Variants in DCC observed in about 807,000 individuals in gnomAD.
DCC encodes the protein netrin receptor DCC.
DCC carries 58 observed loss-of-function variants against 172.5 expected under a neutral mutation model. That is an observed-to-expected ratio of 0.34 (90% CI 0.27 to 0.42). DCC has a LOEUF of 0.42. Ranked by LOEUF, DCC falls within the 10% of genes least tolerant of loss-of-function variation. The pLI is 1.00. For missense variants in DCC, 1,740 were observed against 1,791.0 expected, an observed-to-expected ratio of 0.97 and a Z score of 0.51; for synonymous variants, 709 against 644.5, an observed-to-expected ratio of 1.10 and a Z score of -1.52.
chr18:52,515,606 C>CAAAAAAAAAAAAAA (rs58112743), intron 1 of DCC, among the ~76,000 whole-genome samples: 249 of 10,294 alleles, frequency 0.024, 68 homozygotes, highest in Non-Finnish European at 0.048. Context: ...AACCCTGTCT[C>CAAAAAAAAAAAAAA]AAAAAAAAAA....
intron 1 of DCC, among the ~76,000 whole-genome samples, chr18:52,564,800 A>G (rs1232029635): frequency 2.6e-5 from 4 of 152,088 alleles, no homozygotes; most frequent in Non-Finnish European, 4.4e-5. Flanking sequence ...ATTCAGGACC[A>G]TGGAACCCAG....
At chr18:52,821,842 T>C (rs575913591) in intron 2 of DCC, among the ~76,000 whole-genome samples, 10 of 152,342 alleles carry the variant, frequency 6.6e-5, no homozygotes, top group African/African-American at 2.2e-4. Context: ...AAAACAGTAC[T>C]TGGCATTGAC....
intron 2 of DCC, among the ~76,000 whole-genome samples, chr18:52,878,673 A>G (rs925530174): frequency 6.6e-6 from 1 of 152,062 alleles, no homozygotes. Flanking sequence ...TTATTTGTTT[A>G]TTATCTGATT....
At chr18:52,420,870 T>C (rs1301657965) in intron 1 of DCC, among the ~76,000 whole-genome samples, 2 of 152,064 alleles carry the variant, frequency 1.3e-5, no homozygotes, top group African/African-American at 4.8e-5. Context: ...AGGAGAGTGT[T>C]AGCATCTGGT....
intron 25 of DCC, among the ~76,000 whole-genome samples, chr18:53,480,377 T>C (rs1162599698): frequency 6.6e-6 from 1 of 152,180 alleles, no homozygotes; most frequent in Non-Finnish European, 1.5e-5. Flanking sequence ...AATAAATGCC[T>C]TCCTTCAGCT....
intron 27 of DCC, among the ~76,000 whole-genome samples, chr18:53,519,677 T>C (rs1252266327): frequency 1.3e-5 from 2 of 152,086 alleles, no homozygotes; most frequent in Non-Finnish European, 1.5e-5. Flanking sequence ...CTTTGACATA[T>C]GTTTCTGATA....
chr18:53,047,404 A>AT (rs2042264124), intron 5 of DCC, among the ~76,000 whole-genome samples: 1 of 116,386 alleles, frequency 8.6e-6, no homozygotes, highest in Non-Finnish European at 1.7e-5. Context: ...AATATGTTAT[A>AT]TATTTTATGT....
chr18:53,089,734 TG>T (rs2042975683), intron 7 of DCC, among the ~76,000 whole-genome samples: 1 of 152,194 alleles, frequency 6.6e-6, no homozygotes, highest in South Asian at 2.1e-4. Flanking sequence ...TTAAGAAAAT[TG>T]GGCCTAACTT....
At chr18:52,681,736 T>C (rs776960142) in intron 1 of DCC, among the ~76,000 whole-genome samples, 3 of 152,090 alleles carry the variant, frequency 2.0e-5, no homozygotes, top group Admixed American at 6.6e-5. Context: ...TGAATTAGAA[T>C]CAAGTCTTCT....
intron 2 of DCC, among the ~76,000 whole-genome samples, chr18:52,785,812 C>T (rs2037646580): frequency 6.6e-6 from 1 of 152,072 alleles, no homozygotes; most frequent in Non-Finnish European, 1.5e-5. Context: ...CCCCTCATGA[C>T]TTCTGCAGAC....
intron 2 of DCC, among the ~76,000 whole-genome samples, chr18:52,774,656 C>G (rs920430756): frequency 1.3e-5 from 2 of 152,040 alleles, no homozygotes; most frequent in African/African-American, 2.4e-5. Flanking sequence ...TTCAGTGCCC[C>G]GCTGCTCACC....
At chr18:53,395,165 A>C (rs1908845659) in intron 17 of DCC, among the ~76,000 whole-genome samples, 1 of 151,900 alleles carries the variant, frequency 6.6e-6, no homozygotes, top group African/African-American at 2.4e-5. Flanking sequence ...AAAAAAAAAA[A>C]AAGTAAGGCT....
chr18:52,654,277 G>T (rs2035201987), intron 1 of DCC, among the ~76,000 whole-genome samples: 2 of 152,064 alleles, frequency 1.3e-5, no homozygotes, highest in Admixed American at 6.6e-5. Flanking sequence ...GGAGGGTGGG[G>T]GGCTAATACA....
At chr18:52,365,395 G>T (rs988494324) in intron 1 of DCC, among the ~76,000 whole-genome samples, 2 of 152,160 alleles carry the variant, frequency 1.3e-5, no homozygotes, top group Non-Finnish European at 2.9e-5. Flanking sequence ...AGTAACACAT[G>T]ATTACTTATT....
At chr18:53,088,088 T>C (rs1231559775) in intron 7 of DCC, among the ~76,000 whole-genome samples, 1 of 152,226 alleles carries the variant, frequency 6.6e-6, no homozygotes, top group East Asian at 1.9e-4. Context: ...CGATGCGGGC[T>C]CTTTTTTGGT....
chr18:53,192,638 G>C (rs956891973), intron 9 of DCC, among the ~76,000 whole-genome samples: 1 of 152,116 alleles, frequency 6.6e-6, no homozygotes, highest in Non-Finnish European at 1.5e-5. Context: ...TTTGTGATGT[G>C]CCCATTAATA....
chr18:52,553,383 CAT>C (rs1389157634), intron 1 of DCC, among the ~76,000 whole-genome samples: 1 of 151,978 alleles, frequency 6.6e-6, no homozygotes, highest in African/African-American at 2.4e-5. Context: ...TCTGTAAAGA[CAT>C]AGGCTAAGCA....
At chr18:52,738,900 TAAAAAA>T (rs59182653) in intron 1 of DCC, among the ~76,000 whole-genome samples, 1 of 141,418 alleles carries the variant, frequency 7.1e-6, no homozygotes. Context: ...TCTGGCTATT[TAAAAAA>T]AAAAAAAAAA....
chr18:53,467,993 C>T lies in DCC; in HGVS notation c.3719C>T (p.Ala1240Val), dbSNP rs765426969. 3 of 1,583,096 alleles carry T rather than the reference C, an allele frequency of 1.9e-6. No individual in the cohort carries two copies. Among genetic ancestry groups the T allele is most frequent in the South Asian group, 2.2e-5 (2 of 90,430 alleles). ...PRAKLMIPMD[A>V]QSNNPAVVSA... The stretch of plus-strand genomic sequence containing the variant: ...GCCAAGCTCATGATTCCCATGGATG[C>T]CCAGTCCAACAATCCTGGTGAGTCA... The change falls in exon 25 of 29, where the codon GCC becomes GTC. Residue 1240 changes from alanine to valine, a missense_variant. Coordinates refer to ENST00000442544, the MANE Select transcript of DCC (RefSeq NM_005215.4).
Sources: gnomAD v4.1 joint callset for allele counts (sites outside exome capture counted in the v4.1 genomes callset) on GRCh38, gnomAD v4.1.1 for gene constraint, MANE v1.5 for transcripts, NCBI Gene and HGNC (gene_info 2026-07-23, HGNC 2026-07-21) for gene names.